NCKAP5: variants seen among roughly 807,000 people sequenced by gnomAD.
NCKAP5 encodes the protein nck-associated protein 5.
NCKAP5 carries 92 observed loss-of-function variants against 167.0 expected under a neutral mutation model. The ratio of observed to expected loss-of-function variants is 0.55; its 90% CI spans 0.47 to 0.66. The LOEUF is 0.66. NCKAP5 is among the 30% of genes least tolerant of loss of function. The pLI, the probability that NCKAP5 is intolerant of heterozygous loss-of-function variation, is 0.00. For synonymous variants in NCKAP5, 891 were observed against 877.4 expected (o/e 1.02, Z -0.27); for missense variants, 2,378 against 2,315.0 (o/e 1.03, Z -0.56).
At chr2:132,872,993 A>G (rs1019850225) in intron 9 of NCKAP5, among the ~76,000 whole-genome samples, 1 of 152,232 alleles carries the variant, frequency 6.6e-6, no homozygotes, top group Non-Finnish European at 1.5e-5. Context: ...CAGCGAAACC[A>G]CCTAGGACAG....
At chr2:133,228,454 C>G (rs1267575885) in intron 4 of NCKAP5, among the ~76,000 whole-genome samples, 1 of 152,148 alleles carries the variant, frequency 6.6e-6, no homozygotes, top group Non-Finnish European at 1.5e-5. Flanking sequence ...TTCATACTAT[C>G]TTGACCCCTT....
chr2:132,890,295 C>T (rs1163932383), intron 8 of NCKAP5, among the ~76,000 whole-genome samples: 1 of 152,186 alleles, frequency 6.6e-6, no homozygotes, highest in Non-Finnish European at 1.5e-5. Context: ...CACTTCACAA[C>T]TCTAGGCCAT....
intron 2 of NCKAP5, among the ~76,000 whole-genome samples, chr2:133,545,064 A>G (rs1225026775): frequency 2.0e-5 from 3 of 152,194 alleles, no homozygotes; most frequent in African/African-American, 4.8e-5. Flanking sequence ...CTGGGTCCCT[A>G]CAAAACGAGG....
chr2:133,647,749 G>GAAGGAAGGAAGGAAGGAAGGAAGA, the NCKAP5 span, among the ~76,000 whole-genome samples: 1 of 139,070 alleles, frequency 7.2e-6, no homozygotes, highest in African/African-American at 2.6e-5. Flanking sequence ...AGGAAGGAAG[G>GAAGGAAGGAAGGAAGGAAGGAAGA]AAAGAAAAGA....
Position 132,980,719 on chromosome 2 carries a change from T to C in NCKAP5, c.429+13433A>G, listed in dbSNP as rs113860173. 4.4e-3 allele frequency among the ~76,000 whole-genome samples: 672 copies of C among 152,194 alleles called. 8 individuals carry two copies. The highest frequency in any genetic ancestry group is 0.016 in the African/African-American group (656 of 41,494). ...TGTAAACTGTAAAACACTTTATTAT[T>C]ACTGTGTCAATTTTCACTACCAGTC... On this transcript the variant is annotated intron_variant, in intron 7 of 19. Coordinates refer to ENST00000409261, the MANE Select transcript of NCKAP5 (RefSeq NM_207363.3).
chr2:133,162,180 T>C (rs2083819244), intron 5 of NCKAP5, among the ~76,000 whole-genome samples: 4 of 152,210 alleles, frequency 2.6e-5, no homozygotes, highest in Admixed American at 2.0e-4. Flanking sequence ...ATGTTCTACA[T>C]AAATAGGCAA....
intron 4 of NCKAP5, among the ~76,000 whole-genome samples, chr2:133,261,834 A>G (rs2088921986): frequency 1.3e-5 from 2 of 152,242 alleles, no homozygotes; most frequent in Admixed American, 6.5e-5. Flanking sequence ...GACTTAGGTT[A>G]GCTCTGAACT....
chr2:133,552,655 T>G, intron 2 of NCKAP5, among the ~76,000 whole-genome samples: 4 of 135,754 alleles, frequency 2.9e-5, no homozygotes, highest in African/African-American at 2.8e-5. Context: ...AGATGACGAG[T>G]TAGTGGGTGC....
chr2:133,660,970 A>AT, the NCKAP5 span, among the ~76,000 whole-genome samples: 1 of 149,966 alleles, frequency 6.7e-6, no homozygotes, highest in South Asian at 2.1e-4. Flanking sequence ...AAAAAAAAAA[A>AT]TCCTAGTCTA....
chr2:132,721,662 C>T (rs771093164), intron 19 of NCKAP5, among the ~76,000 whole-genome samples: 76 of 152,336 alleles, frequency 5.0e-4, no homozygotes, highest in Non-Finnish European at 7.8e-4. Context: ...AATGGTGCTG[C>T]ATCCATCCTT....
Position 133,132,838 on chromosome 2 carries a change from G to A in NCKAP5, c.208-2727C>T, listed in dbSNP as rs910056155. Among the ~76,000 whole-genome samples, 16 of 151,796 alleles carry A rather than the reference G, an allele frequency of 1.1e-4. 1 individual carries two copies. The highest frequency in any genetic ancestry group is 2.4e-4 in the African/African-American group (10 of 41,392). Reference sequence around the variant, plus strand: ...ACTACAGGCACCCGCAACCACGCCCGGCTAATTTTTTGTATTTTTAGTAGA... The same window carrying A: ...ACTACAGGCACCCGCAACCACGCCCAGCTAATTTTTTGTATTTTTAGTAGA... On this transcript the variant is annotated intron_variant, in intron 5 of 19. Coordinates refer to ENST00000409261, the MANE Select transcript of NCKAP5 (RefSeq NM_207363.3).
intron 8 of NCKAP5, among the ~76,000 whole-genome samples, chr2:132,922,063 A>T (rs1157921769): frequency 6.6e-6 from 1 of 152,236 alleles, no homozygotes; most frequent in Non-Finnish European, 1.5e-5. Context: ...AGAGATGGAC[A>T]GAAAAAGACA....
chr2:133,258,106 A>G (rs2088714004), intron 4 of NCKAP5, among the ~76,000 whole-genome samples: 1 of 152,212 alleles, frequency 6.6e-6, no homozygotes, highest in African/African-American at 2.4e-5. Flanking sequence ...TTATTGAGAA[A>G]GCATTTGGAC....
intron 3 of NCKAP5, among the ~76,000 whole-genome samples, chr2:133,341,192 G>C (rs965235129): frequency 6.6e-6 from 1 of 151,714 alleles, no homozygotes; most frequent in Admixed American, 6.6e-5. Flanking sequence ...TATATATACA[G>C]CTATAAATAT....
intron 6 of NCKAP5, among the ~76,000 whole-genome samples, chr2:133,074,564 G>A (rs958088610): frequency 3.3e-5 from 5 of 152,016 alleles, no homozygotes; most frequent in African/African-American, 9.7e-5. Flanking sequence ...ATTTCACCAT[G>A]TTGCCCAGGT....
At chr2:133,254,375 G>A (rs773713359) in intron 4 of NCKAP5, among the ~76,000 whole-genome samples, 26 of 152,108 alleles carry the variant, frequency 1.7e-4, no homozygotes, top group Non-Finnish European at 2.8e-4. Context: ...GCTTCAGTAG[G>A]AAGCATCAGA....
the NCKAP5 span, among the ~76,000 whole-genome samples, chr2:133,596,601 C>T: frequency 1.1e-4 from 17 of 152,146 alleles, 1 homozygote; most frequent in South Asian, 3.3e-3. Flanking sequence ...ACCCCGAGGT[C>T]GCCAGCATGA....
intron 6 of NCKAP5, among the ~76,000 whole-genome samples, chr2:133,096,443 G>A (rs1213489427): frequency 6.6e-6 from 1 of 151,884 alleles, no homozygotes; most frequent in Non-Finnish European, 1.5e-5. Flanking sequence ...AGCCAAGATT[G>A]TGGCCCTGGA....
chr2:133,228,529 A>C (rs1247540212), intron 4 of NCKAP5, among the ~76,000 whole-genome samples: 1 of 152,178 alleles, frequency 6.6e-6, no homozygotes, highest in Non-Finnish European at 1.5e-5. Context: ...TACAACACTT[A>C]ACCAGCTTAA....
Sources: allele counts gnomAD v4.1 joint callset (sites outside exome capture counted in the v4.1 genomes callset), GRCh38; gene constraint gnomAD v4.1.1; transcripts MANE v1.5; gene names NCBI Gene and HGNC (gene_info 2026-07-23, HGNC 2026-07-21).